Variants in PPWD1 observed in about 807,000 individuals in gnomAD.
PPWD1 encodes peptidylprolyl isomerase domain and WD repeat containing 1, also known as peptidylprolyl isomerase domain and WD repeat-containing protein 1.
A neutral mutation model predicts 68.8 loss-of-function variants in PPWD1; 43 were observed. The observed-to-expected ratio is 0.62, with a 90% CI of 0.49 to 0.81. The LOEUF (loss-of-function observed/expected upper bound fraction) is 0.81, where lower values mean the gene tolerates loss of function less well. Among genes scored for constraint, PPWD1 ranks in the 30% least tolerant of loss-of-function variants. The pLI is 0.00. For synonymous variants in PPWD1, 232 were observed against 258.7 expected, an observed-to-expected ratio of 0.90 and a Z score of 0.99; for missense variants, 672 against 804.8, an observed-to-expected ratio of 0.83 and a Z score of 2.00.
chr5:65,578,747 CACACATATATGTGTATATATATAT>C (rs1463926307), intron 6 of PPWD1, among the ~76,000 whole-genome samples: 3 of 130,168 alleles, frequency 2.3e-5, no homozygotes, highest in Non-Finnish European at 4.8e-5. Context: ...TATATATATA[CACACATATATGTGTATATATATAT>C]ACATATATAT....
intron 8 of PPWD1, among the ~76,000 whole-genome samples, chr5:65,584,052 C>G (rs1753714129): frequency 6.6e-6 from 1 of 152,152 alleles, no homozygotes; most frequent in Admixed American, 6.5e-5. Context: ...CATACAATGT[C>G]AAATACAGTA....
At chr5:65,563,945 G>C in intron 1 of PPWD1, 1 of 1,075,248 alleles carries the variant, frequency 9.3e-7, no homozygotes, top group South Asian at 1.4e-5. Context: ...TTCGAATCAT[G>C]GTAGGTAAAG....
chr5:65,572,263 A>AGAGT lies in PPWD1; in HGVS notation c.947_950dup (p.Phe318SerfsTer3). 1 of 1,610,210 alleles carries AGAGT rather than the reference A, an allele frequency of 6.2e-7. No individual in the cohort carries two copies. ...CAGATTTGTAACTGGAAAACTCATG[A>AGAGT]GAGTCTTTGATGAATCACTAAGCGT... On this transcript the variant is annotated frameshift_variant, in exon 5 of 11. Coordinates refer to ENST00000261308, the MANE Select transcript of PPWD1 (RefSeq NM_015342.4). LOFTEE classifies it high-confidence loss of function.
chr5:65,564,318 CTTTTTT>C (rs550753414), intron 1 of PPWD1, among the ~76,000 whole-genome samples: 201 of 117,172 alleles, frequency 1.7e-3, no homozygotes, highest in South Asian at 8.4e-3. Flanking sequence ...TTTTCTCTCT[CTTTTTT>C]TTTTTTTTTT....
At chr5:65,576,340 A>T (rs1753278022) in intron 5 of PPWD1, 1 of 983,088 alleles carries the variant, frequency 1.0e-6, no homozygotes. Flanking sequence ...TTTTGTTTTA[A>T]ATTAGAAGAA....
chr5:65,578,561 G>T (rs37333), intron 6 of PPWD1, among the ~76,000 whole-genome samples: 46,128 of 151,738 alleles, frequency 0.3, 7,340 homozygotes, highest in African/African-American at 0.38. Context: ...TTGTTTTAGT[G>T]TGGATTTCCC....
chr5:65,575,738 AAAAGT>A lies in PPWD1; in HGVS notation c.970-1137_970-1133del, dbSNP rs1371761844. Among the ~76,000 whole-genome samples, 15 of 152,248 alleles carry A rather than the reference AAAAGT, an allele frequency of 9.9e-5. 1 individual carries two copies. The highest frequency in any genetic ancestry group is 3.1e-4 in the African/African-American group (13 of 41,458). On this transcript the variant is annotated intron_variant, in intron 5 of 10. Transcript: ENST00000261308. ...CTTGAAATTTGTGTAATATCAAAAG[AAAAGT>A]AAACCAAATTTCCAAACTATAAAGG...
chr5:65,577,309 G>T (rs1442367183), intron 6 of PPWD1, among the ~76,000 whole-genome samples: 2 of 152,184 alleles, frequency 1.3e-5, no homozygotes, highest in East Asian at 3.8e-4. Context: ...ATAGTTTCAA[G>T]TTGTTGTGTG....
intron 1 of PPWD1, among the ~76,000 whole-genome samples, chr5:65,566,614 C>T (rs375857453): frequency 1.1e-3 from 169 of 152,236 alleles, no homozygotes; most frequent in African/African-American, 3.9e-3. Flanking sequence ...AACAGCTCGT[C>T]ATGTTTAATT....
intron 6 of PPWD1, 46 bp downstream of exon 6, chr5:65,577,115 G>T: frequency 6.4e-7 from 1 of 1,558,464 alleles, no homozygotes; most frequent in Non-Finnish European, 8.7e-7. Flanking sequence ...TGTTTGTGGG[G>T]GACCATTTCC....
intron 8 of PPWD1, 86 bp downstream of exon 8, chr5:65,583,305 C>T (rs1027204986): frequency 8.7e-6 from 11 of 1,266,010 alleles, no homozygotes; most frequent in East Asian, 2.6e-5. Flanking sequence ...TTAAAATTCC[C>T]GTTACTTTGA....
intron 7 of PPWD1, among the ~76,000 whole-genome samples, chr5:65,581,666 A>C (rs1380680794): frequency 2.0e-5 from 3 of 152,230 alleles, no homozygotes; most frequent in African/African-American, 7.2e-5. Context: ...CTTTATTCAA[A>C]AAACTTATAT....
chr5:65,579,917 G>C (rs1753520535), intron 7 of PPWD1, among the ~76,000 whole-genome samples: 1 of 152,054 alleles, frequency 6.6e-6, no homozygotes, highest in Admixed American at 6.5e-5. Context: ...TTTCACTGTG[G>C]GATTTTAAAA....
Position 65,583,219 on chromosome 5 carries a change from A to C in PPWD1, c.1532A>C (p.Glu511Ala). 6.4e-7 allele frequency: 1 copy of C among 1,573,748 alleles called. No homozygotes were observed. ...GDIHTKLFPV[E>A]CPKTVENFCV... is the part of the protein sequence containing the mutation. ...ATTCACACCAAACTTTTTCCTGTTG[A>C]GTATGTATAACAACTGTTTTTATTG... is the stretch of plus-strand genomic sequence containing the variant. The change falls in exon 8 of 11, where the codon GAG (glutamate) becomes GCG (alanine). Residue 511 changes from glutamate (E) to alanine (A), a missense_variant and splice_region_variant. Transcript: ENST00000261308.
chr5:65,580,858 A>G (rs1479854481), intron 7 of PPWD1, among the ~76,000 whole-genome samples: 3 of 152,070 alleles, frequency 2.0e-5, no homozygotes, highest in African/African-American at 4.8e-5. Context: ...TGTGCCTGCT[A>G]TGTTTCTCTT....
In PPWD1 at chr5:65,586,112, C is replaced by G; in HGVS notation, c.1728C>G (p.Tyr576Ter). 6.2e-7 allele frequency: 1 copy of G among 1,613,468 alleles called. No homozygotes were observed. Among genetic ancestry groups the G allele is most frequent in the Non-Finnish European group, 8.5e-7 (1 of 1,179,526 alleles). The change falls in exon 10 of 11, where the codon TAC (tyrosine) becomes TAG (stop). Residue 576 changes from tyrosine (Y) to a stop codon, truncating the protein, a stop_gained. Coordinates refer to ENST00000261308, the MANE Select transcript of PPWD1 (RefSeq NM_015342.4). LOFTEE classifies it high-confidence loss of function. Reference sequence around the variant, plus strand: ...CAACATTACGACATGACAGGCCATACACACTCAGCATGGCTAACGCGGGAT... The same window carrying G: ...CAACATTACGACATGACAGGCCATAGACACTCAGCATGGCTAACGCGGGAT... ...FHSTLRHDRP[Y>*]TLSMANAGSN... is the part of the protein sequence containing the mutation.
chr5:65,572,297 T>C lies in PPWD1; in HGVS notation c.969+11T>C, dbSNP rs1321746349. On this transcript the variant is annotated intron_variant, in intron 5 of 10. Transcript: ENST00000261308. ...GATGAATCACTAAGCGTAAGTGTAA[T>C]TTAAATTTAACCGTACTTTACTTTT... The C allele has an allele frequency of 1.3e-6, 2 of 1,579,502 alleles. No homozygotes were observed. The highest frequency in any genetic ancestry group is 1.9e-5 in the Admixed American group (1 of 53,694).
At chr5:65,569,171 C>G (rs1185400075) in intron 2 of PPWD1, among the ~76,000 whole-genome samples, 1 of 151,916 alleles carries the variant, frequency 6.6e-6, no homozygotes, top group Non-Finnish European at 1.5e-5. Context: ...TGTACAAAAT[C>G]TTTTTGATAC....
chr5:65,586,017 G>T lies in PPWD1; in HGVS notation c.1633G>T (p.Gly545Ter). Residue 545 changes from glycine to a stop codon, truncating the protein, a stop_gained, in exon 10 of 11, where the codon GGA becomes TGA. Coordinates refer to ENST00000261308, the MANE Select transcript of PPWD1 (RefSeq NM_015342.4). LOFTEE classifies it high-confidence loss of function. The stretch of plus-strand genomic sequence containing the variant: ...TGTTAAGGGCTTTATGATTCAGACT[G>T]GAGATCCAACAGGTACTGGTATGGG... ...RIIKGFMIQT[G>*]DPTGTGMGGE... 1 of 1,613,128 alleles carries T rather than the reference G, an allele frequency of 6.2e-7. No homozygotes were observed. Among genetic ancestry groups the T allele is most frequent in the Non-Finnish European group, 8.5e-7 (1 of 1,179,282 alleles).
Sources: allele counts gnomAD v4.1 joint callset (sites outside exome capture counted in the v4.1 genomes callset), GRCh38; gene constraint gnomAD v4.1.1; transcripts MANE v1.5; gene names NCBI Gene and HGNC (gene_info 2026-07-23, HGNC 2026-07-21).